Variants in USP2 observed in about 807,000 individuals in gnomAD.
USP2 encodes the protein ubiquitin carboxyl-terminal hydrolase 2.
A neutral mutation model predicts 72.0 loss-of-function variants in USP2; 33 were observed. The observed-to-expected ratio is 0.46, with a 90% CI of 0.35 to 0.61. The LOEUF (loss-of-function observed/expected upper bound fraction) is 0.61, where lower values mean the gene tolerates loss of function less well. Among genes scored for constraint, USP2 ranks in the 20% least tolerant of loss-of-function variants. The pLI, the probability that USP2 is intolerant of heterozygous loss-of-function variation, is 0.01. For missense variants in USP2, 691 were observed against 797.8 expected, an observed-to-expected ratio of 0.87 and a Z score of 1.61; for synonymous variants, 296 against 312.5, an observed-to-expected ratio of 0.95 and a Z score of 0.56.
At chr11:119,358,094 CA>C in intron 8 of USP2, 33 bp from the exon 9 acceptor site, 1 of 1,614,138 alleles carries the variant, frequency 6.2e-7, no homozygotes. Flanking sequence ...GGTCAGAGGT[CA>C]ACATGAAAGG....
In USP2 at chr11:119,357,282, A is replaced by G. The variant is rs766214582; in HGVS notation, c.1635T>C (p.Ala545=). ...NTNHAVYNLY[A]VSNHSGTTMG... Reference sequence around the variant, plus strand: ...TGGTGGTTCCGGAGTGATTGGACACAGCGTACAGGTTGTAAACAGCATGGT... The same window carrying G: ...TGGTGGTTCCGGAGTGATTGGACACGGCGTACAGGTTGTAAACAGCATGGT... The change falls in exon 12 of 13, where the codon GCT becomes GCC. Residue 545 remains alanine (A), a synonymous_variant. Coordinates refer to ENST00000260187, the MANE Select transcript of USP2 (RefSeq NM_004205.5). The G allele has an allele frequency of 5.0e-6, 8 of 1,613,602 alleles. No homozygotes were observed. The highest frequency in any genetic ancestry group is 6.8e-6 in the Non-Finnish European group (8 of 1,179,968).
At chr11:119,374,385 C>T (rs953607556) in intron 1 of USP2, among the ~76,000 whole-genome samples, 1 of 152,206 alleles carries the variant, frequency 6.6e-6, no homozygotes, top group Non-Finnish European at 1.5e-5. Flanking sequence ...CCCAGTCCTT[C>T]CCTGCTCCAG....
rs770611893 is a variant in USP2 at position 119,355,313 on chromosome 11, T to G, written c.*1522A>C. The G allele has an allele frequency of 3.3e-5, 5 of 152,266 alleles. No individual in the cohort carries two copies. Among genetic ancestry groups the G allele is most frequent in the Admixed American group, 6.5e-5 (1 of 15,288 alleles). The allele number at this position is 152,266 out of a possible 1,614,324, so 9.4% of individuals were successfully genotyped here. A position where few individuals can be genotyped will look rare whatever the true frequency, so the allele number is the denominator to read the frequency against. On this transcript the variant is annotated 3_prime_UTR_variant, in exon 13 of 13. Transcript: ENST00000260187. ...ACAGTAAACAAGTGTACACTTGCCCTTGGGCTCAGGTTCACAGGTCTTCTC... is the reference window on the plus strand; with the variant it reads ...ACAGTAAACAAGTGTACACTTGCCCGTGGGCTCAGGTTCACAGGTCTTCTC...
chr11:119,375,857 C>A (rs687009), intron 1 of USP2, among the ~76,000 whole-genome samples: 1 of 152,140 alleles, frequency 6.6e-6, no homozygotes, highest in Non-Finnish European at 1.5e-5. Context: ...TGGGGCCAAA[C>A]GAGGTCCAGA....
At position 119,358,725 on chromosome 11, in the gene USP2, A is replaced by T. The variant is rs745341715; in HGVS notation, c.1237+48T>A. 10 of 1,603,660 alleles carry T rather than the reference A, an allele frequency of 6.2e-6. No homozygotes were observed. The East Asian group carries it at 2.2e-4, about 36-fold the overall frequency. On this transcript the variant is annotated intron_variant, in intron 7 of 12. Coordinates refer to ENST00000260187, the MANE Select transcript of USP2 (RefSeq NM_004205.5). ...AGGGCTTTTCATGCTCCACTCAGGCAAGAGCAGGCAACAGTGAAAACAGGC... is the reference window on the plus strand; with the variant it reads ...AGGGCTTTTCATGCTCCACTCAGGCTAGAGCAGGCAACAGTGAAAACAGGC...
chr11:119,364,209 G>A (rs947800777), intron 2 of USP2: 553 of 1,138,666 alleles, frequency 4.9e-4, no homozygotes, highest in Admixed American at 9.7e-4. Context: ...CCGGCCGACT[G>A]GCGGCCCCGC....
At chr11:119,361,847 G>C (rs190291339) in intron 2 of USP2, among the ~76,000 whole-genome samples, 1 of 152,260 alleles carries the variant, frequency 6.6e-6, no homozygotes, top group African/African-American at 2.4e-5. Context: ...GGCTAGGGCT[G>C]GCAGTATATG....
At position 119,356,749 on chromosome 11, in the gene USP2, GT is replaced by G; in HGVS notation, c.*85del. The G allele has an allele frequency of 7.7e-7, 1 of 1,295,700 alleles. No homozygotes were observed. Among genetic ancestry groups the G allele is most frequent in the Non-Finnish European group, 1.1e-6 (1 of 945,330 alleles). The allele number at this position is 1,295,700 out of a possible 1,614,324, so 80.3% of individuals were successfully genotyped here. ...TTTTCTCTTGTCAGGTTTGTGTGTT[GT>G]TGTTGTTGTTTTGTTTTTGTCTTTT... is the stretch of plus-strand genomic sequence containing the variant. On this transcript the variant is annotated 3_prime_UTR_variant, in exon 13 of 13. Coordinates refer to ENST00000260187, the MANE Select transcript of USP2 (RefSeq NM_004205.5).
At chr11:119,375,009 G>A (rs1156362311) in intron 1 of USP2, among the ~76,000 whole-genome samples, 8 of 152,190 alleles carry the variant, frequency 5.3e-5, no homozygotes, top group African/African-American at 1.4e-4. Context: ...CAGCTACTGC[G>A]AGGCAGCATG....
intron 2 of USP2, among the ~76,000 whole-genome samples, chr11:119,361,253 T>C (rs1046799712): frequency 2.6e-5 from 4 of 152,244 alleles, no homozygotes; most frequent in African/African-American, 9.6e-5. Flanking sequence ...ATTGCCACTC[T>C]TGCTGTTGGC....
chr11:119,357,105 G>T, intron 12 of USP2, 82 bp downstream of exon 12: 3 of 1,377,276 alleles, frequency 2.2e-6, no homozygotes, highest in Non-Finnish European at 2.9e-6. Flanking sequence ...GTGGGAGGGG[G>T]GTGGGTTTGG....
At chr11:119,358,469 C>A (rs1792145880) in intron 7 of USP2, among the ~76,000 whole-genome samples, 1 of 152,188 alleles carries the variant, frequency 6.6e-6, no homozygotes, top group Non-Finnish European at 1.5e-5. Flanking sequence ...GTGCCCACCA[C>A]CATGCCTGGC....
chr11:119,370,253 C>T (rs941561780), intron 2 of USP2, among the ~76,000 whole-genome samples: 1 of 152,208 alleles, frequency 6.6e-6, no homozygotes, highest in Non-Finnish European at 1.5e-5. Context: ...GTTGCTCGCA[C>T]ACATCTCTTG....
chr11:119,379,280 G>A lies in USP2; in HGVS notation c.-42+2193C>T, dbSNP rs191702512. ...CCCTTTCGGGCCAGTGCCAGCCAAG[G>A]AGGTCTGTGAGGACTCTTGGAAGGG... On this transcript the variant is annotated intron_variant, in intron 1 of 12. Transcript: ENST00000260187. 8 of 985,404 alleles carry A rather than the reference G, an allele frequency of 8.1e-6. No individual in the cohort carries two copies. In the Admixed American group the frequency reaches 3.1e-4, roughly 38 times the overall value. 61.0% of individuals were successfully genotyped at this position (985,404 alleles called of 1,614,324 possible).
At chr11:119,360,427 C>CTTT (rs1275012607) in intron 2 of USP2, 193 bp from the exon 3 acceptor site, 31 of 572,490 alleles carry the variant, frequency 5.4e-5, no homozygotes, top group East Asian at 1.1e-4. Flanking sequence ...CTTTTCTTTT[C>CTTT]TTTTTTTTTT....
chr11:119,379,317 A>AG, intron 1 of USP2: 1 of 978,398 alleles, frequency 1.0e-6, no homozygotes, highest in Non-Finnish European at 1.2e-6. Context: ...GGCATTTTGA[A>AG]GGGGAACAAT....
rs889224581 is a variant in USP2 at position 119,381,426 on chromosome 11, C to G, written c.-42+47G>C. 5.2e-6 allele frequency: 8 copies of G among 1,531,536 alleles called. No individual in the cohort carries two copies. The Admixed American group carries it at 1.4e-4, about 26-fold the overall frequency. The allele number at this position is 1,531,536 out of a possible 1,614,324, so 94.9% of individuals were successfully genotyped here. A position where few individuals can be genotyped will look rare whatever the true frequency, so the allele number is the denominator to read the frequency against. Reference sequence around the variant, plus strand: ...TTACTTTCTGAGCTCCAAACCGGCACTGATCCCCGAATCCCCCCTCCCGGA... The same window carrying G: ...TTACTTTCTGAGCTCCAAACCGGCAGTGATCCCCGAATCCCCCCTCCCGGA... On this transcript the variant is annotated intron_variant, in intron 1 of 12. Transcript: ENST00000260187.
At position 119,378,963 on chromosome 11, in the gene USP2, T is replaced by C. The variant is rs570687708; in HGVS notation, c.-42+2510A>G. On this transcript the variant is annotated intron_variant, in intron 1 of 12. Transcript: ENST00000260187. ...GATTCACTGATGTCTTTCCTCTAGGTAGAGTCCCAGAGAAGCTCAGATACC... is the reference window on the plus strand; with the variant it reads ...GATTCACTGATGTCTTTCCTCTAGGCAGAGTCCCAGAGAAGCTCAGATACC... 2.9e-4 allele frequency: 281 copies of C among 981,796 alleles called. 3 individuals carry two copies. The African/African-American group carries it at 4.6e-3, about 16-fold the overall frequency. 60.8% of individuals were successfully genotyped at this position (981,796 alleles called of 1,614,324 possible).
intron 2 of USP2, among the ~76,000 whole-genome samples, chr11:119,370,162 G>A (rs1950908127): frequency 6.6e-6 from 1 of 152,158 alleles, no homozygotes; most frequent in Non-Finnish European, 1.5e-5. Context: ...GTGAGACAGA[G>A]CGAGACTCCA....
Sources: allele counts gnomAD v4.1 joint callset (sites outside exome capture counted in the v4.1 genomes callset), GRCh38; gene constraint gnomAD v4.1.1; transcripts MANE v1.5; gene names NCBI Gene and HGNC (gene_info 2026-07-23, HGNC 2026-07-21).